Variants in ZMIZ1 observed in about 807,000 individuals in gnomAD.
The protein encoded by ZMIZ1 is zinc finger MIZ domain-containing protein 1.
ZMIZ1 carries 17 observed loss-of-function variants against 113.9 expected under a neutral mutation model. The ratio of observed to expected loss-of-function variants is 0.15; its 90% confidence interval spans 0.10 to 0.22. The LOEUF (loss-of-function observed/expected upper bound fraction) is 0.22, where lower values mean the gene tolerates loss of function less well. Among genes scored for constraint, ZMIZ1 ranks in the 10% least tolerant of loss-of-function variants. The probability of loss-of-function intolerance (pLI) is 1.00; values close to 1 mark genes in which losing one functional copy is unlikely to be tolerated. For missense variants in ZMIZ1, 1,059 were observed against 1,477.8 expected, an observed-to-expected ratio of 0.72 and a Z score of 4.65; for synonymous variants, 607 against 603.1, an observed-to-expected ratio of 1.01 and a Z score of -0.09.
rs576944996 is a variant in ZMIZ1 at position 79,249,559 on chromosome 10, G to A, written c.281-27622G>A. ...GAGGTCCCTGCTTGTAAGGAGCAGC[G>A]TGGGATTTACTGTGCTGTCCAGTAT... On this transcript the variant is annotated intron_variant, in intron 7 of 24. Transcript: ENST00000334512. 1.2e-4 allele frequency among the ~76,000 whole-genome samples: 19 copies of A among 152,320 alleles called. No homozygotes were observed. The South Asian group carries it at 3.9e-3, about 32-fold the overall frequency.
chr10:79,234,844 G>A (rs1849528494), intron 7 of ZMIZ1, among the ~76,000 whole-genome samples: 1 of 152,204 alleles, frequency 6.6e-6, no homozygotes, highest in Non-Finnish European at 1.5e-5. Flanking sequence ...GACTTGGGGA[G>A]GCCAGTGCCC....
At chr10:79,273,309 C>T (rs1257087836) in intron 7 of ZMIZ1, among the ~76,000 whole-genome samples, 1 of 152,086 alleles carries the variant, frequency 6.6e-6, no homozygotes, top group East Asian at 1.9e-4. Flanking sequence ...TGTGGCTGAA[C>T]CTCTGCTCCC....
chr10:79,219,297 C>A (rs1848865243), intron 7 of ZMIZ1, among the ~76,000 whole-genome samples: 1 of 152,216 alleles, frequency 6.6e-6, no homozygotes, highest in Non-Finnish European at 1.5e-5. Flanking sequence ...GTCACTGAAA[C>A]CCCTGCCCTG....
At chr10:79,249,215 C>A (rs1162344415) in intron 7 of ZMIZ1, among the ~76,000 whole-genome samples, 1 of 152,194 alleles carries the variant, frequency 6.6e-6, no homozygotes, top group Non-Finnish European at 1.5e-5. Flanking sequence ...TCCCTGGATC[C>A]CCACACCCAG....
intron 1 of ZMIZ1, among the ~76,000 whole-genome samples, chr10:79,077,827 C>T (rs1842526578): frequency 6.6e-6 from 1 of 152,222 alleles, no homozygotes; most frequent in African/African-American, 2.4e-5. Context: ...CGCAAACTTC[C>T]TGGCACATAG....
intron 4 of ZMIZ1, among the ~76,000 whole-genome samples, chr10:79,165,960 G>GTCTGGGCTCTTCCTGCAGCTCAGC (rs1589366063): frequency 4.3e-5 from 2 of 47,026 alleles, no homozygotes; most frequent in African/African-American, 2.0e-4. Flanking sequence ...GTGTGTGTGT[G>GTCTGGGCTCTTCCTGCAGCTCAGC]TGTGTGTGTG....
intron 7 of ZMIZ1, among the ~76,000 whole-genome samples, chr10:79,242,779 G>T (rs1215490597): frequency 6.6e-6 from 1 of 151,996 alleles, no homozygotes; most frequent in Non-Finnish European, 1.5e-5. Flanking sequence ...CTGGGCGGGG[G>T]AAGGAAAGGG....
chr10:79,256,139 C>T (rs11593576), intron 7 of ZMIZ1, among the ~76,000 whole-genome samples: 45,187 of 152,118 alleles, frequency 0.3, 7,536 homozygotes, highest in Middle Eastern at 0.4. Context: ...TTACTGCTCC[C>T]TGCCCGTCTT....
chr10:79,150,347 C>T (rs1434312631), intron 3 of ZMIZ1, among the ~76,000 whole-genome samples: 1 of 152,244 alleles, frequency 6.6e-6, no homozygotes, highest in Non-Finnish European at 1.5e-5. Flanking sequence ...AGCCCGACCT[C>T]GGGCCGCCCT....
At chr10:79,204,561 A>G (rs570321912) in intron 5 of ZMIZ1, among the ~76,000 whole-genome samples, 5 of 151,820 alleles carry the variant, frequency 3.3e-5, no homozygotes, top group Non-Finnish European at 5.9e-5. Context: ...CTCTGGAGCT[A>G]TGGGCCCTGT....
intron 8 of ZMIZ1, among the ~76,000 whole-genome samples, chr10:79,277,978 C>T (rs1852409266): frequency 6.6e-6 from 1 of 152,232 alleles, no homozygotes; most frequent in Admixed American, 6.5e-5. Flanking sequence ...CTGCTCTCCC[C>T]TGTGTGTGTC....
At chr10:79,262,765 A>T (rs1170098848) in intron 7 of ZMIZ1, among the ~76,000 whole-genome samples, 1 of 152,134 alleles carries the variant, frequency 6.6e-6, no homozygotes, top group African/African-American at 2.4e-5. Context: ...ATGCACAGGG[A>T]CCCCTGCAGC....
rs189675520 is a variant in ZMIZ1 at position 79,069,607 on chromosome 10, A to G, written c.-337+337A>G. On this transcript the variant is annotated intron_variant, in intron 1 of 24. Transcript: ENST00000334512. The surrounding 1 kb of genome is among the most constrained non-coding windows in gnomAD (Gnocchi z 4.6). ...GGCGCGCCTCCAGCCCTCGCTCCCT[A>G]CACCCGGGGGCCGGGCAGGACCGGG... Among the ~76,000 whole-genome samples, 1,303 of 151,542 alleles carry G rather than the reference A, an allele frequency of 8.6e-3. 67 individuals are homozygous for G. Among genetic ancestry groups the G allele is most frequent in the Non-Finnish European group, 2.0e-3 (137 of 67,758 alleles).
chr10:79,177,577 C>T (rs1352179820), intron 4 of ZMIZ1, among the ~76,000 whole-genome samples: 1 of 152,198 alleles, frequency 6.6e-6, no homozygotes, highest in East Asian at 1.9e-4. Flanking sequence ...GGAAGGCAGA[C>T]CCGGACCCTG....
chr10:79,291,070 G>A lies in ZMIZ1; in HGVS notation c.652G>A (p.Gly218Arg). ...NPGLNSPQFA[G>R]QQQQFSAKAG... is the part of the protein sequence containing the mutation. ...AGGCCTCAACTCCCCACAGTTTGCG[G>A]GGCAGCAGCAGCAGTTCTCAGCCAA... The change falls in exon 10 of 25, where the codon GGG (glycine) becomes AGG (arginine). Residue 218 changes from glycine to arginine, a missense_variant. By Grantham distance (125) the Gly-to-Arg change is moderately radical. Transcript: ENST00000334512. 6.2e-7 allele frequency: 1 copy of A among 1,614,250 alleles called. No individual in the cohort carries two copies. Among genetic ancestry groups the A allele is most frequent in the Non-Finnish European group, 8.5e-7 (1 of 1,180,046 alleles).
In ZMIZ1 at chr10:79,303,525, G is replaced by A. The variant is rs546592603; in HGVS notation, c.2126-490G>A. On this transcript the variant is annotated intron_variant, in intron 18 of 24. Coordinates refer to ENST00000334512, the MANE Select transcript of ZMIZ1 (RefSeq NM_020338.4). ...TGGAGTCCCCTTTGAAGGAGACTCC[G>A]GGTGTGGACTCGGGCCCTGTGCAAG... 6.0e-4 allele frequency among the ~76,000 whole-genome samples: 77 copies of A among 128,988 alleles called. 1 individual carries two copies. The highest frequency in any genetic ancestry group is 3.8e-3 in the Middle Eastern group (1 of 266). The allele number at this position is 128,988 out of a possible 152,430, so 84.6% of individuals were successfully genotyped here.
chr10:79,159,465 C>T (rs961026295), intron 3 of ZMIZ1, among the ~76,000 whole-genome samples: 3 of 152,226 alleles, frequency 2.0e-5, no homozygotes, highest in Admixed American at 1.3e-4. Flanking sequence ...GGGCAGGGTT[C>T]AGGCTCTCCG....
intron 19 of ZMIZ1, among the ~76,000 whole-genome samples, chr10:79,304,436 C>G (rs1231899249): frequency 6.6e-6 from 1 of 152,208 alleles, no homozygotes; most frequent in Non-Finnish European, 1.5e-5. Context: ...CTGGAAGTCC[C>G]ACACACATGT....
chr10:79,307,547 C>T lies in ZMIZ1; in HGVS notation c.2811C>T (p.Pro937=). 1 of 1,612,470 alleles carries T rather than the reference C, an allele frequency of 6.2e-7. No individual in the cohort carries two copies. Among genetic ancestry groups the T allele is most frequent in the Non-Finnish European group, 8.5e-7 (1 of 1,179,342 alleles). The change falls in exon 23 of 25, where the codon CCC becomes CCT. Residue 937 remains proline (P), a synonymous_variant. Transcript: ENST00000334512. ...ACAACATGGCCGCCCTCGAGAAACC[C>T]CTCAGCCACCCCATGCAGGAAACTG... ...MPNNMAALEK[P]LSHPMQETMP...
Sources: allele counts gnomAD v4.1 joint callset (sites outside exome capture counted in the v4.1 genomes callset), GRCh38; gene constraint gnomAD v4.1.1; non-coding constraint Gnocchi (gnomAD v3.1); transcripts MANE v1.5; gene names NCBI Gene and HGNC (gene_info 2026-07-23, HGNC 2026-07-21).